The following WDPCP variants were observed in gnomAD, a reference collection of about 807,000 sequenced individuals.
The protein encoded by WDPCP is WD repeat-containing and planar cell polarity effector protein fritz homolog.
WDPCP carries 71 observed loss-of-function variants against 93.1 expected under a neutral mutation model. The ratio of observed to expected loss-of-function variants is 0.76; its 90% CI spans 0.63 to 0.93. The LOEUF is 0.93. Among genes scored for constraint, WDPCP ranks in the 40% least tolerant of loss-of-function variants. The pLI is 0.00. For missense variants in WDPCP, 844 were observed against 887.4 expected, an observed-to-expected ratio of 0.95 and a Z score of 0.62; for synonymous variants, 315 against 315.0, an observed-to-expected ratio of 1.00 and a Z score of 0.00.
chr2:63,583,054 T>C (rs1267246310), intron 1 of WDPCP, among the ~76,000 whole-genome samples: 3 of 152,200 alleles, frequency 2.0e-5, no homozygotes, highest in East Asian at 3.8e-4. Context: ...TTAAAAATAA[T>C]TGACTAAGCA....
chr2:63,479,794 A>G (rs1700165241), intron 6 of WDPCP, among the ~76,000 whole-genome samples: 1 of 152,032 alleles, frequency 6.6e-6, no homozygotes, highest in South Asian at 2.1e-4. Flanking sequence ...TCAACATAGT[A>G]CTGGAAGTCC....
chr2:63,424,759 C>A (rs906451722), intron 9 of WDPCP, among the ~76,000 whole-genome samples: 15 of 152,266 alleles, frequency 9.9e-5, no homozygotes, highest in Admixed American at 8.5e-4. Flanking sequence ...GGGCATGCCT[C>A]CCTCCACAGG....
chr2:63,735,496 G>C (rs1308149990), intron 2 of WDPCP, among the ~76,000 whole-genome samples: 2 of 152,176 alleles, frequency 1.3e-5, no homozygotes, highest in African/African-American at 2.4e-5. Context: ...GACAGTGCAA[G>C]GTCTTGGATG....
intron 2 of WDPCP, among the ~76,000 whole-genome samples, chr2:63,671,657 C>T (rs935278756): frequency 6.6e-6 from 1 of 152,080 alleles, no homozygotes; most frequent in African/African-American, 2.4e-5. Flanking sequence ...AAGTGATTCT[C>T]GTGCTTCAGC....
chr2:63,289,955 CATA>C (rs1684283069), intron 13 of WDPCP, among the ~76,000 whole-genome samples: 1 of 151,264 alleles, frequency 6.6e-6, no homozygotes, highest in African/African-American at 2.4e-5. Flanking sequence ...TTATTTGTGT[CATA>C]ATAATTAAAG....
At chr2:63,161,211 C>A (rs1227325112) in intron 15 of WDPCP, among the ~76,000 whole-genome samples, 1 of 152,156 alleles carries the variant, frequency 6.6e-6, no homozygotes, top group Non-Finnish European at 1.5e-5. Flanking sequence ...CAGTTCAGTA[C>A]CCTTGTCTAG....
chr2:63,137,176 C>T (rs1416480416), intron 17 of WDPCP, among the ~76,000 whole-genome samples: 1 of 152,214 alleles, frequency 6.6e-6, no homozygotes, highest in Non-Finnish European at 1.5e-5. Flanking sequence ...CACCCACCAA[C>T]AATGTATAAG....
At chr2:63,636,937 T>C (rs530166074) in intron 3 of WDPCP, among the ~76,000 whole-genome samples, 1 of 152,326 alleles carries the variant, frequency 6.6e-6, no homozygotes, top group South Asian at 2.1e-4. Flanking sequence ...GGATTTAACA[T>C]TTAAGTGTAA....
At chr2:63,630,849 T>C (rs1709857481) in intron 3 of WDPCP, among the ~76,000 whole-genome samples, 1 of 152,146 alleles carries the variant, frequency 6.6e-6, no homozygotes, top group Non-Finnish European at 1.5e-5. Flanking sequence ...TTCTAGGCAA[T>C]AAAACAAACC....
intron 1 of WDPCP, among the ~76,000 whole-genome samples, chr2:63,574,264 T>C (rs1000487646): frequency 3.3e-5 from 5 of 152,116 alleles, no homozygotes; most frequent in Non-Finnish European, 7.4e-5. Context: ...ATGTGATGTC[T>C]CCCCCGGACA....
At chr2:63,555,953 A>G (rs1706084469) in intron 1 of WDPCP, among the ~76,000 whole-genome samples, 1 of 152,202 alleles carries the variant, frequency 6.6e-6, no homozygotes, top group Non-Finnish European at 1.5e-5. Flanking sequence ...CTCGTCTCCA[A>G]ATAATCCTCT....
intron 2 of WDPCP, among the ~76,000 whole-genome samples, chr2:63,809,852 G>A (rs1466563950): frequency 2.0e-5 from 3 of 151,824 alleles, no homozygotes; most frequent in East Asian, 1.9e-4. Context: ...TCCCTCCACT[G>A]TTGTCGTATG....
chr2:63,268,452 AT>A (rs1559265347), intron 13 of WDPCP, among the ~76,000 whole-genome samples: 1 of 151,988 alleles, frequency 6.6e-6, no homozygotes, highest in Non-Finnish European at 1.5e-5. Flanking sequence ...TTCAAAATAG[AT>A]TTTTATTTTT....
At chr2:63,763,619 T>G (rs905345547) in intron 2 of WDPCP, among the ~76,000 whole-genome samples, 1 of 152,140 alleles carries the variant, frequency 6.6e-6, no homozygotes, top group Admixed American at 6.5e-5. Flanking sequence ...TTACTAAAAC[T>G]TCATGAAACC....
intron 3 of WDPCP, among the ~76,000 whole-genome samples, chr2:63,621,469 T>G (rs1709736730): frequency 3.3e-5 from 5 of 151,718 alleles, no homozygotes; most frequent in African/African-American, 1.2e-4. Context: ...AAGACAAGAT[T>G]AGAGAATAAA....
chr2:63,616,894 T>G (rs1709678788), intron 3 of WDPCP, among the ~76,000 whole-genome samples: 1 of 152,200 alleles, frequency 6.6e-6, no homozygotes, highest in Admixed American at 6.5e-5. Context: ...GACAAGGATA[T>G]TTACGGTTTA....
At chr2:63,288,270 C>A (rs543720285) in intron 13 of WDPCP, among the ~76,000 whole-genome samples, 1 of 152,270 alleles carries the variant, frequency 6.6e-6, no homozygotes, top group East Asian at 1.9e-4. Context: ...CAACATGAAG[C>A]CAGAGATGCA....
intron 10 of WDPCP, among the ~76,000 whole-genome samples, chr2:63,397,741 G>A (rs1693846018): frequency 6.6e-6 from 1 of 152,156 alleles, no homozygotes; most frequent in South Asian, 2.1e-4. Context: ...AGTGACTGGT[G>A]ACTTTTCCAA....
chr2:63,345,330 G>C (rs566777793), intron 12 of WDPCP, among the ~76,000 whole-genome samples: 2 of 152,274 alleles, frequency 1.3e-5, no homozygotes, highest in Non-Finnish European at 2.9e-5. Context: ...GTTTCTAGGT[G>C]ACATAAGGCA....
Sources: allele counts gnomAD v4.1 joint callset (sites outside exome capture counted in the v4.1 genomes callset), GRCh38; gene constraint gnomAD v4.1.1; transcripts MANE v1.5; gene names NCBI Gene and HGNC (gene_info 2026-07-23, HGNC 2026-07-21).